The following OFD1 variants were observed in gnomAD, a reference collection of about 807,000 sequenced individuals.
OFD1 encodes the protein OFD1 centriole and centriolar satellite protein.
A neutral mutation model predicts 81.4 loss-of-function variants in OFD1; 12 were observed. The observed-to-expected ratio is 0.15, with a 90% CI of 0.09 to 0.24. The LOEUF (loss-of-function observed/expected upper bound fraction) is 0.24, where lower values mean the gene tolerates loss of function less well. Ranked by LOEUF, OFD1 falls within the 10% of genes least tolerant of loss-of-function variation. The pLI, the probability that OFD1 is intolerant of heterozygous loss-of-function variation, is 1.00. For synonymous variants in OFD1, 256 were observed against 263.7 expected, an observed-to-expected ratio of 0.97 and a Z score of 0.28; for missense variants, 685 against 733.9, an observed-to-expected ratio of 0.93 and a Z score of 0.77.
chrX:13,753,315 G>C, intron 10 of OFD1, 53 bp from the exon 11 acceptor site: 1 of 1,208,343 alleles, frequency 8.3e-7, no homozygotes, highest in Middle Eastern at 3.2e-4. Context: ...ACTGATAACA[G>C]TCTTTCCAGA....
intron 3 of OFD1, among the ~76,000 whole-genome samples, chrX:13,738,134 C>T (rs2046945190): frequency 8.9e-6 from 1 of 112,292 alleles, no homozygotes; most frequent in African/African-American, 3.2e-5. Flanking sequence ...CAAGCATGAG[C>T]CCTCGTGTCT....
chrX:13,762,553 A>G (rs1008022125), intron 18 of OFD1, 109 bp downstream of exon 18: 19 of 501,627 alleles, frequency 3.8e-5, no homozygotes, highest in Non-Finnish European at 6.3e-5. Flanking sequence ...AAATTGGGTC[A>G]TTATTATTTT....
Position 13,760,402 on chromosome X carries a change from G to A in OFD1, c.1942G>A (p.Ala648Thr). 1.7e-6 allele frequency: 2 copies of A among 1,206,275 alleles called. No homozygotes were observed. The highest frequency in any genetic ancestry group is 2.2e-6 in the Non-Finnish European group (2 of 892,535). ...LQQEAERLEK[A>T]FRSYHRRVIK... The stretch of plus-strand genomic sequence containing the variant: ...GCAAGAGGCCGAACGCTTGGAAAAG[G>A]CTTTCAGAAGTTACCATCGGAGAGT... The change falls in exon 16 of 23, where the codon GCT becomes ACT. Residue 648 changes from alanine (A) to threonine (T), a missense_variant. Around this residue, in one of 3 missense-constraint regions of OFD1, gnomAD observed 12 missense variants for 32.4 expected, o/e 0.37. Coordinates refer to ENST00000340096, the MANE Select transcript of OFD1 (RefSeq NM_003611.3).
At chrX:13,772,352 A>G (rs2048316355), downstream of OFD1, 1 of 112,377 alleles carries the variant, frequency 8.9e-6, no homozygotes. Flanking sequence ...AGTTTGAGAA[A>G]TCAATCATAA....
At chrX:13,743,424 C>CA (rs2047181768) in intron 5 of OFD1, among the ~76,000 whole-genome samples, 2 of 112,233 alleles carry the variant, frequency 1.8e-5, no homozygotes, top group African/African-American at 6.5e-5. Flanking sequence ...TACAGGTAAC[C>CA]TATGTGCAGT....
At chrX:13,752,557 C>T (rs1356235012) in intron 10 of OFD1, 7 of 359,627 alleles carry the variant, frequency 1.9e-5, no homozygotes, top group South Asian at 1.7e-4. Context: ...GTATTTTACC[C>T]ACATCTTCTA....
At chrX:13,733,200 C>T (rs374544604), upstream of OFD1, among the ~76,000 whole-genome samples, 3 of 110,486 alleles carry the variant, frequency 2.7e-5, no homozygotes, top group East Asian at 8.4e-4. Context: ...TACAACATAT[C>T]AACATCTTTT....
chrX:13,735,509 C>T lies in OFD1; in HGVS notation c.111+163C>T, dbSNP rs150287655. Among the ~76,000 whole-genome samples the T allele has an allele frequency of 6.5e-3, 733 of 112,514 alleles. 9 individuals carry two copies. Among genetic ancestry groups the T allele is most frequent in the African/African-American group, 0.022 (694 of 31,014 alleles). ...AATAACTCTGTATCCTGAAACATTACAGTCTCTTGAAAATGTTTGAGAAAA... is the reference window on the plus strand; with the variant it reads ...AATAACTCTGTATCCTGAAACATTATAGTCTCTTGAAAATGTTTGAGAAAA... On this transcript the variant is annotated intron_variant, in intron 2 of 22. Transcript: ENST00000340096.
At chrX:13,717,032 G>GT in the OFD1 span, among the ~76,000 whole-genome samples, 3 of 21,785 alleles carry the variant, frequency 1.4e-4, no homozygotes, top group African/African-American at 5.8e-4. Context: ...AGGATACTAT[G>GT]TTAAAAAAAA....
Position 13,769,273 on chromosome X carries a change from C to T in OFD1, c.*165C>T. On this transcript the variant is annotated 3_prime_UTR_variant, in exon 23 of 23. Coordinates refer to ENST00000340096, the MANE Select transcript of OFD1 (RefSeq NM_003611.3). Reference sequence around the variant, plus strand: ...AATTTTGATACCATAGTGTGTGAACCAAGAATAATCTAGTCACGTGAAACC... The same window carrying T: ...AATTTTGATACCATAGTGTGTGAACTAAGAATAATCTAGTCACGTGAAACC... 4.2e-6 allele frequency: 2 copies of T among 480,747 alleles called. No individual in the cohort carries two copies. The highest frequency in any genetic ancestry group is 6.6e-5 in the Admixed American group (2 of 30,076). The allele number at this position is 480,747 out of a possible 1,213,427, so 39.6% of individuals were successfully genotyped here.
intron 17 of OFD1, among the ~76,000 whole-genome samples, chrX:13,761,806 C>T (rs1480530484): frequency 9.1e-6 from 1 of 110,100 alleles, no homozygotes; most frequent in East Asian, 2.8e-4. Context: ...ACCTGGGCCC[C>T]ACAGCAGAGG....
chrX:13,736,514 C>T lies in OFD1; in HGVS notation c.148C>T (p.His50Tyr). The T allele has an allele frequency of 8.3e-7, 1 of 1,211,013 alleles. No individual in the cohort carries two copies. ...LRNQLIHELM[H>Y]PVLSGELQPR... is the part of the protein sequence containing the mutation. ...AAACCAGCTAATTCATGAGTTGATGCACCCTGTATTGAGTGGAGAACTGCA... is the reference window on the plus strand; with the variant it reads ...AAACCAGCTAATTCATGAGTTGATGTACCCTGTATTGAGTGGAGAACTGCA... The change falls in exon 3 of 23, where the codon CAC (histidine) becomes TAC (tyrosine). Residue 50 changes from histidine (H) to tyrosine (Y), a missense_variant. His to Tyr is a moderately conservative substitution (Grantham distance 83). Transcript: ENST00000340096.
rs1555900746 is a variant in OFD1 at position 13,736,596 on chromosome X, T to C, written c.230T>C (p.Leu77Ser). 1 of 1,209,739 alleles carries C rather than the reference T, an allele frequency of 8.3e-7. No individual in the cohort carries two copies. Among genetic ancestry groups the C allele is most frequent in the Non-Finnish European group, 1.1e-6 (1 of 893,605 alleles). The change falls in exon 3 of 23, where the codon TTA becomes TCA. Residue 77 changes from leucine (L) to serine (S), a missense_variant. Leu to Ser is a moderately radical substitution (Grantham distance 145). This residue lies in a region of OFD1 where 414 missense variants were observed against 447.2 expected (regional missense o/e 0.93). Transcript: ENST00000340096. ...CTCTTAATAGGCGCCTCTAACTCTT[T>C]AGTGGCAGATCACTTACAAAGATGT... ...SSLLIGASNS[L>S]VADHLQRCGY... is the part of the protein sequence containing the mutation.
In OFD1 at chrX:13,746,800, C is replaced by T. The variant is rs781665189; in HGVS notation, c.675C>T (p.Thr225=). 10 of 1,191,807 alleles carry T rather than the reference C, an allele frequency of 8.4e-6. No individual in the cohort carries two copies. The highest frequency in any genetic ancestry group is 3.0e-5 in the East Asian group (1 of 33,469). The change falls in exon 8 of 23, where the codon ACC becomes ACT. Residue 225 remains threonine, a synonymous_variant. Transcript: ENST00000340096. ...MCQKLKFFKD[T]EIAKIKMEAK... ...TGCAGTTGAAGTTTTTTAAAGATAC[C>T]GAGATAGCAAAAATTAAAATGGAAG...
In OFD1 at chrX:13,744,913, TGAG is replaced by T. The variant is rs756329768; in HGVS notation, c.517+397_517+399del. Among the ~76,000 whole-genome samples the T allele has an allele frequency of 4.4e-5, 5 of 112,387 alleles. No individual in the cohort carries two copies. The Admixed American group carries it at 4.7e-4, about 11-fold the overall frequency. ...GTGACTTATCACTTCATTTTATAGT[TGAG>T]GAAACCGAGGTCCTCAGAGGAAGAG... On this transcript the variant is annotated intron_variant, in intron 6 of 22. Transcript: ENST00000340096.
At position 13,734,781 on chromosome X, in the gene OFD1, C is replaced by T. The variant is rs956429826; in HGVS notation, c.-291C>T. On this transcript the variant is annotated 5_prime_UTR_variant, in exon 1 of 23. Coordinates refer to ENST00000340096, the MANE Select transcript of OFD1 (RefSeq NM_003611.3). ...TGAGGCGGTCCTGCCTCGCTGCCTT[C>T]AGTCCCTAGTGTCTGGGTCCCCGCC... 10 of 1,064,077 alleles carry T rather than the reference C, an allele frequency of 9.4e-6. No homozygotes were observed. Among genetic ancestry groups the T allele is most frequent in the African/African-American group, 3.8e-5 (2 of 52,855 alleles). 87.7% of individuals were successfully genotyped at this position (1,064,077 alleles called of 1,213,427 possible).
intron 19 of OFD1, among the ~76,000 whole-genome samples, chrX:13,765,155 A>G (rs1212619521): frequency 1.8e-5 from 2 of 111,136 alleles, no homozygotes; most frequent in African/African-American, 3.3e-5. Flanking sequence ...AGAAATTGTT[A>G]TATTTGTCAT....
intron 8 of OFD1, 121 bp downstream of exon 8, chrX:13,747,074 G>A: frequency 1.6e-6 from 1 of 642,014 alleles, no homozygotes; most frequent in Non-Finnish European, 2.6e-6. Context: ...AATAGGGACT[G>A]GGGCCAAGAG....
At chrX:13,759,586 A>AC (rs2047848900) in intron 15 of OFD1, among the ~76,000 whole-genome samples, 1 of 111,748 alleles carries the variant, frequency 8.9e-6, no homozygotes, top group Admixed American at 9.5e-5. Context: ...GAGTTTCTTG[A>AC]CCACAGTGTT....
Sources: gnomAD v4.1 joint callset for allele counts (sites outside exome capture counted in the v4.1 genomes callset) on GRCh38, gnomAD v4.1.1 for gene constraint, gnomAD v4.1.1 regional missense constraint, MANE v1.5 for transcripts, NCBI Gene and HGNC (gene_info 2026-07-23, HGNC 2026-07-21) for gene names.